Variants in OPTN observed in about 807,000 individuals in gnomAD.
OPTN encodes optineurin.
Under a neutral mutation model 70.4 loss-of-function variants are expected in OPTN, and 54 were observed. The observed-to-expected ratio is 0.77, with a 90% confidence interval of 0.62 to 0.96. The LOEUF is 0.96. Ranked by LOEUF, OPTN falls within the 40% of genes least tolerant of loss-of-function variation. OPTN has a pLI of 0.00. For synonymous variants in OPTN, 256 were observed against 248.5 expected (o/e 1.03, Z -0.28); for missense variants, 624 against 673.2 (o/e 0.93, Z 0.81).
intron 1 of OPTN, chr10:13,104,932 T>C (rs1378285235): frequency 3.7e-6 from 1 of 270,486 alleles, no homozygotes; most frequent in Non-Finnish European, 7.1e-6. Context: ...TGGCTGCTGG[T>C]GGTAACTACG....
chr10:13,116,887 T>C (rs1356669732), intron 6 of OPTN, among the ~76,000 whole-genome samples: 1 of 152,100 alleles, frequency 6.6e-6, no homozygotes, highest in African/African-American at 2.4e-5. Flanking sequence ...CCTATGTAGA[T>C]GTGAGGAAAC....
At chr10:13,106,370 G>A (rs1485584820) in intron 1 of OPTN, among the ~76,000 whole-genome samples, 1 of 152,214 alleles carries the variant, frequency 6.6e-6, no homozygotes, top group Non-Finnish European at 1.5e-5. Flanking sequence ...GAGAAGAAGA[G>A]CAGTCTGTTC....
intron 4 of OPTN, among the ~76,000 whole-genome samples, chr10:13,112,029 T>C (rs1276550239): frequency 6.6e-6 from 1 of 151,630 alleles, no homozygotes; most frequent in Non-Finnish European, 1.5e-5. Flanking sequence ...TTTGTATTTT[T>C]AGTAGAGACG....
chr10:13,112,431 C>G (rs755458443), intron 4 of OPTN, 22 bp from the exon 5 acceptor site: 1 of 1,612,726 alleles, frequency 6.2e-7, no homozygotes, highest in Admixed American at 1.7e-5. Flanking sequence ...TGTTCATTCA[C>G]TTTACTCCTT....
At chr10:13,106,247 A>G (rs1433354476) in intron 1 of OPTN, among the ~76,000 whole-genome samples, 1 of 152,236 alleles carries the variant, frequency 6.6e-6, no homozygotes, top group Non-Finnish European at 1.5e-5. Context: ...TCTGCAAATT[A>G]GGTAGGAACA....
At chr10:13,128,467 G>A (rs10906308) in intron 12 of OPTN, among the ~76,000 whole-genome samples, 24,931 of 116,622 alleles carry the variant, frequency 0.21, 2,686 homozygotes, top group East Asian at 0.32. Flanking sequence ...GGCCTTTGAG[G>A]TATCCTCTTT....
In OPTN at chr10:13,137,399, C is replaced by T; in HGVS notation, c.*533C>T. On this transcript the variant is annotated 3_prime_UTR_variant, in exon 15 of 15. Transcript: ENST00000378747. ...ACTCGCAAAGTAGAATCCTTACCTA[C>T]TACTCTTCTGATAATAATTTTAATA... 2 of 235,778 alleles carry T rather than the reference C, an allele frequency of 8.5e-6. No homozygotes were observed. Among genetic ancestry groups the T allele is most frequent in the Non-Finnish European group, 1.7e-5 (2 of 118,862 alleles). 14.6% of individuals were successfully genotyped at this position (235,778 alleles called of 1,614,324 possible). A position where few individuals can be genotyped will look rare whatever the true frequency, so the allele number is the denominator to read the frequency against.
chr10:13,133,946 T>A (rs562527213), intron 14 of OPTN, among the ~76,000 whole-genome samples: 6 of 152,248 alleles, frequency 3.9e-5, no homozygotes, highest in African/African-American at 1.4e-4. Flanking sequence ...GTGGCTGGAA[T>A]TACAGGCGTG....
intron 1 of OPTN, among the ~76,000 whole-genome samples, chr10:13,107,317 G>A (rs902743536): frequency 6.6e-6 from 1 of 151,232 alleles, no homozygotes; most frequent in Non-Finnish European, 1.5e-5. Context: ...GGAGGTTGCA[G>A]TGAGCCGAGA....
intron 14 of OPTN, among the ~76,000 whole-genome samples, chr10:13,135,879 C>T (rs921996953): frequency 6.6e-6 from 1 of 152,124 alleles, no homozygotes; most frequent in Non-Finnish European, 1.5e-5. Context: ...TTTTCGCATA[C>T]CTTGAAACTG....
At chr10:13,117,296 G>C (rs973551555) in intron 6 of OPTN, among the ~76,000 whole-genome samples, 6 of 151,666 alleles carry the variant, frequency 4.0e-5, no homozygotes, top group African/African-American at 1.5e-4. Flanking sequence ...TAGCCAGGAT[G>C]GTCTCGATCT....
chr10:13,120,188 C>G (rs1328189120), intron 7 of OPTN, among the ~76,000 whole-genome samples: 4 of 151,556 alleles, frequency 2.6e-5, no homozygotes, highest in Admixed American at 2.6e-4. Flanking sequence ...CGGGGTTTCA[C>G]CATGTTAGCC....
Position 13,126,046 on chromosome 10 carries a change from A to T in OPTN, c.1242+7A>T, listed in dbSNP as rs1247024664. ...GGAACTAACAAGAAAAGAGGTATTC[A>T]CTGAAAAAAATTACTTCCATAGCCT... On this transcript the variant is annotated splice_region_variant and intron_variant, in intron 11 of 14. Transcript: ENST00000378747. 6.4e-7 allele frequency: 1 copy of T among 1,574,770 alleles called. No homozygotes were observed. The highest frequency in any genetic ancestry group is 8.7e-7 in the Non-Finnish European group (1 of 1,144,572).
At chr10:13,108,913 C>T (rs1299890479) in intron 2 of OPTN, 199 bp from the exon 3 acceptor site, 1 of 621,592 alleles carries the variant, frequency 1.6e-6, no homozygotes, top group Non-Finnish European at 2.9e-6. Flanking sequence ...TGCGCGTGCA[C>T]ACACACACAC....
intron 1 of OPTN, among the ~76,000 whole-genome samples, chr10:13,107,046 C>A (rs1239801120): frequency 6.6e-6 from 1 of 152,132 alleles, no homozygotes; most frequent in Non-Finnish European, 1.5e-5. Context: ...TACATTGGTG[C>A]TTAATACCTA....
chr10:13,114,806 ATATATAATTATATAAT>A (rs370170403), intron 5 of OPTN, among the ~76,000 whole-genome samples: 5 of 19,790 alleles, frequency 2.5e-4, no homozygotes, highest in South Asian at 1.2e-3. Flanking sequence ...ATATATACAT[ATATATAATTATATAAT>A]TATATAATTA....
intron 5 of OPTN, among the ~76,000 whole-genome samples, chr10:13,113,526 C>T (rs987968338): frequency 6.6e-6 from 1 of 152,170 alleles, no homozygotes; most frequent in Non-Finnish European, 1.5e-5. Context: ...AATTTCTCTG[C>T]AACCCCAGAT....
At chr10:13,115,438 ATATATAATATATTCTATAT>A (rs1362538021) in intron 5 of OPTN, among the ~76,000 whole-genome samples, 2 of 103,496 alleles carry the variant, frequency 1.9e-5, no homozygotes, top group East Asian at 5.4e-4. Flanking sequence ...AATATAGAAT[ATATATAATATATTCTATAT>A]TATATAATAT....
In OPTN at chr10:13,110,574, T is replaced by C. The variant is rs76776236; in HGVS notation, c.369+98T>C. 13,656 of 1,202,344 alleles carry C rather than the reference T, an allele frequency of 0.011. 843 individuals carry two copies. The African/African-American group carries it at 0.15, about 14-fold the overall frequency. The allele number at this position is 1,202,344 out of a possible 1,614,324, so 74.5% of individuals were successfully genotyped here. On this transcript the variant is annotated intron_variant, in intron 4 of 14. Transcript: ENST00000378747. Reference sequence around the variant, plus strand: ...TAGACTCCTAGATCAAAACCTTTCATGGTTCAGTCTGGATTGGTGTTTTGC... The same window carrying C: ...TAGACTCCTAGATCAAAACCTTTCACGGTTCAGTCTGGATTGGTGTTTTGC...
Sources: gnomAD v4.1 joint callset for allele counts (sites outside exome capture counted in the v4.1 genomes callset) on GRCh38, gnomAD v4.1.1 for gene constraint, MANE v1.5 for transcripts, NCBI Gene and HGNC (gene_info 2026-07-23, HGNC 2026-07-21) for gene names.